Variants in KCNH1 observed in about 807,000 individuals in gnomAD.
The protein encoded by KCNH1 is potassium voltage-gated channel subfamily H member 1, also known as voltage-gated delayed rectifier potassium channel KCNH1.
A neutral mutation model predicts 69.2 loss-of-function variants in KCNH1; 27 were observed. The observed-to-expected ratio is 0.39, with a 90% CI of 0.29 to 0.54. KCNH1 has a LOEUF of 0.54. Ranked by LOEUF, KCNH1 falls within the 20% of genes least tolerant of loss-of-function variation. The pLI is 0.68. For synonymous variants in KCNH1, 456 were observed against 487.7 expected, an observed-to-expected ratio of 0.93 and a Z score of 0.86; for missense variants, 798 against 1,261.6, an observed-to-expected ratio of 0.63 and a Z score of 5.57.
chr1:211,109,544 C>T (rs1691420544), intron 1 of KCNH1, among the ~76,000 whole-genome samples: 1 of 152,106 alleles, frequency 6.6e-6, no homozygotes, highest in African/African-American at 2.4e-5. Flanking sequence ...TAATTTCCCT[C>T]AAAACACCTA....
chr1:210,940,773 C>G (rs1687863041), intron 6 of KCNH1, among the ~76,000 whole-genome samples: 1 of 152,198 alleles, frequency 6.6e-6, no homozygotes, highest in Non-Finnish European at 1.5e-5. Flanking sequence ...CAAACCATAT[C>G]TCCATCTTCT....
intron 6 of KCNH1, among the ~76,000 whole-genome samples, chr1:211,009,824 G>A (rs1259486508): frequency 2.0e-5 from 3 of 152,116 alleles, no homozygotes; most frequent in Non-Finnish European, 4.4e-5. Flanking sequence ...AGCCAGGCTG[G>A]TCTGGAACTC....
chr1:210,925,979 A>G (rs1281624552), intron 6 of KCNH1, among the ~76,000 whole-genome samples: 4 of 152,202 alleles, frequency 2.6e-5, no homozygotes, highest in South Asian at 4.1e-4. Context: ...AGCACACTCA[A>G]TGAAAACACA....
chr1:211,030,025 G>A (rs1689753101), intron 5 of KCNH1, among the ~76,000 whole-genome samples: 1 of 152,174 alleles, frequency 6.6e-6, no homozygotes, highest in Non-Finnish European at 1.5e-5. Flanking sequence ...AAGAAATGGA[G>A]AGACATACCA....
At chr1:211,070,194 A>G (rs1466416442) in intron 5 of KCNH1, among the ~76,000 whole-genome samples, 1 of 152,012 alleles carries the variant, frequency 6.6e-6, no homozygotes, top group African/African-American at 2.4e-5. Flanking sequence ...CGAGGCTGGC[A>G]GATCACGAGG....
chr1:211,062,696 G>A (rs1227509110), intron 5 of KCNH1, among the ~76,000 whole-genome samples: 1 of 152,106 alleles, frequency 6.6e-6, no homozygotes, highest in Non-Finnish European at 1.5e-5. Context: ...ATGGCAAAGA[G>A]GTATGTGAAA....
At chr1:211,045,565 A>G (rs1690082798) in intron 5 of KCNH1, among the ~76,000 whole-genome samples, 1 of 152,156 alleles carries the variant, frequency 6.6e-6, no homozygotes, top group Non-Finnish European at 1.5e-5. Context: ...TGCCTATTTA[A>G]TGTATACAAC....
chr1:211,024,161 A>G (rs1689639553), intron 5 of KCNH1, among the ~76,000 whole-genome samples: 1 of 152,208 alleles, frequency 6.6e-6, no homozygotes, highest in South Asian at 2.1e-4. Flanking sequence ...GAAACAGCAT[A>G]ATGCCTGCTC....
At chr1:210,758,919 C>G (rs1036252688) in intron 10 of KCNH1, among the ~76,000 whole-genome samples, 1 of 152,184 alleles carries the variant, frequency 6.6e-6, no homozygotes, top group Non-Finnish European at 1.5e-5. Flanking sequence ...AAGCCACTTA[C>G]TGGACTGCAG....
At chr1:210,704,633 A>AGAT (rs1171715226) in intron 10 of KCNH1, among the ~76,000 whole-genome samples, 1 of 152,224 alleles carries the variant, frequency 6.6e-6, no homozygotes, top group Non-Finnish European at 1.5e-5. Context: ...TGTATAAATG[A>AGAT]GATGACAGAG....
chr1:210,846,183 G>C (rs567889549), intron 7 of KCNH1, among the ~76,000 whole-genome samples: 33 of 152,118 alleles, frequency 2.2e-4, no homozygotes, highest in African/African-American at 3.9e-4. Flanking sequence ...CAATGCCATC[G>C]CCATCAAGCT....
At chr1:210,937,135 C>G (rs1296138428) in intron 6 of KCNH1, among the ~76,000 whole-genome samples, 1 of 152,200 alleles carries the variant, frequency 6.6e-6, no homozygotes, top group Non-Finnish European at 1.5e-5. Flanking sequence ...CTATAATCAA[C>G]ACACAACGGC....
intron 7 of KCNH1, among the ~76,000 whole-genome samples, chr1:210,866,002 A>G (rs1007445692): frequency 2.0e-5 from 3 of 152,222 alleles, no homozygotes; most frequent in Non-Finnish European, 4.4e-5. Flanking sequence ...ATACACCAAT[A>G]CAACTCAATG....
At chr1:210,880,666 G>T (rs1686474353) in intron 7 of KCNH1, among the ~76,000 whole-genome samples, 1 of 152,036 alleles carries the variant, frequency 6.6e-6, no homozygotes, top group African/African-American at 2.4e-5. Context: ...GATCATCTCG[G>T]GTTTGGTGAT....
chr1:210,922,722 C>G (rs1160299874), intron 6 of KCNH1, among the ~76,000 whole-genome samples: 1 of 152,174 alleles, frequency 6.6e-6, no homozygotes, highest in Non-Finnish European at 1.5e-5. Context: ...TGGATATCCT[C>G]TCTTCATAGG....
intron 7 of KCNH1, chr1:210,860,273 T>C: frequency 1.4e-6 from 2 of 1,444,346 alleles, no homozygotes; most frequent in South Asian, 2.3e-5. Context: ...AGCTGCCACA[T>C]CTGTGGAGAC....
At chr1:210,894,683 T>C (rs775900190) in intron 7 of KCNH1, among the ~76,000 whole-genome samples, 40 of 152,156 alleles carry the variant, frequency 2.6e-4, no homozygotes, top group Non-Finnish European at 2.8e-4. Context: ...TTCGTTATTA[T>C]TGGAGTATCT....
At chr1:211,018,663 C>T (rs1236654373) in intron 6 of KCNH1, 120 bp downstream of exon 6, 1 of 821,054 alleles carries the variant, frequency 1.2e-6, no homozygotes, top group Non-Finnish European at 1.9e-6. Context: ...AAGCATGCTC[C>T]CTCTGTTCTG....
intron 10 of KCNH1, among the ~76,000 whole-genome samples, chr1:210,690,998 G>A (rs1331143795): frequency 6.6e-6 from 1 of 152,208 alleles, no homozygotes; most frequent in Non-Finnish European, 1.5e-5. Context: ...GAAGTCAGGC[G>A]GACTTGGATC....
Sources: allele counts gnomAD v4.1 joint callset (sites outside exome capture counted in the v4.1 genomes callset), GRCh38; gene constraint gnomAD v4.1.1; transcripts MANE v1.5; gene names NCBI Gene and HGNC (gene_info 2026-07-23, HGNC 2026-07-21).